Variants in DIS3L2 observed in about 807,000 individuals in gnomAD.
The protein encoded by DIS3L2 is DIS3 like 3'-5' exoribonuclease 2, also known as DIS3-like exonuclease 2.
DIS3L2 carries 34 observed loss-of-function variants against 97.5 expected under a neutral mutation model. The ratio of observed to expected loss-of-function variants is 0.35; its 90% CI spans 0.27 to 0.46. The LOEUF is 0.46. DIS3L2 is among the 20% of genes least tolerant of loss of function. The pLI, the probability that DIS3L2 is intolerant of heterozygous loss-of-function variation, is 1.00. For synonymous variants in DIS3L2, 435 were observed against 445.2 expected, an observed-to-expected ratio of 0.98 and a Z score of 0.29; for missense variants, 1,038 against 1,146.0, an observed-to-expected ratio of 0.91 and a Z score of 1.36.
intron 8 of DIS3L2, among the ~76,000 whole-genome samples, chr2:232,157,159 T>C (rs1380258976): frequency 6.6e-6 from 1 of 152,206 alleles, no homozygotes; most frequent in Non-Finnish European, 1.5e-5. Flanking sequence ...GTTCTTGTAG[T>C]CTCAGATTCC....
intron 8 of DIS3L2, among the ~76,000 whole-genome samples, chr2:232,155,020 T>C (rs1403312334): frequency 6.7e-6 from 1 of 149,404 alleles, no homozygotes; most frequent in African/African-American, 2.5e-5. Flanking sequence ...CCCTGACCCC[T>C]TGCGCTTCCC....
chr2:231,970,276 T>C (rs141229897), intron 1 of DIS3L2, among the ~76,000 whole-genome samples: 1 of 152,200 alleles, frequency 6.6e-6, no homozygotes, highest in African/African-American at 2.4e-5. Context: ...TGGTGAAATA[T>C]CGCATCGATT....
intron 5 of DIS3L2, among the ~76,000 whole-genome samples, chr2:232,075,706 T>C (rs1241228389): frequency 2.0e-5 from 3 of 152,208 alleles, no homozygotes; most frequent in African/African-American, 7.2e-5. Context: ...AATTTTTCTG[T>C]TTCTATTGTC....
chr2:232,334,373 T>C lies in DIS3L2; in HGVS notation c.2163T>C (p.Tyr721=), dbSNP rs376478058. The change falls in exon 18 of 21, where the codon TAT becomes TAC. Residue 721 remains tyrosine (Y), a synonymous_variant. Transcript: ENST00000325385. ...VHRLLAAALG[Y]RERLDMAPDT... is the part of the protein sequence containing the mutation. Reference sequence around the variant, plus strand: ...TGCCTCACCCCCTCTTCCCAGGCTATAGGGAGCGACTAGACATGGCGCCCG... The same window carrying C: ...TGCCTCACCCCCTCTTCCCAGGCTACAGGGAGCGACTAGACATGGCGCCCG... 10 of 1,613,260 alleles carry C rather than the reference T, an allele frequency of 6.2e-6. No individual in the cohort carries two copies. Among genetic ancestry groups the C allele is most frequent in the African/African-American group, 5.3e-5 (4 of 74,894 alleles).
chr2:232,332,257 C>G (rs1158073878), intron 16 of DIS3L2, among the ~76,000 whole-genome samples: 1 of 151,534 alleles, frequency 6.6e-6, no homozygotes, highest in African/African-American at 2.4e-5. Flanking sequence ...CCACCTCCCC[C>G]AGAGACTTGC....
exon 14 of DIS3L2, chr2:232,343,926 G>T: frequency 4.8e-6 from 1 of 210,402 alleles, no homozygotes; most frequent in South Asian, 9.9e-5. Flanking sequence ...TAGAAGAAGG[G>T]AGAAGAGGAA....
chr2:232,098,493 A>G (rs369108468), intron 6 of DIS3L2, among the ~76,000 whole-genome samples: 5 of 151,710 alleles, frequency 3.3e-5, no homozygotes, highest in East Asian at 1.9e-4. Context: ...AGCTGGGACT[A>G]CAGGCACACA....
chr2:232,007,174 A>C (rs1185989064), intron 1 of DIS3L2, among the ~76,000 whole-genome samples: 1 of 152,248 alleles, frequency 6.6e-6, no homozygotes, highest in Non-Finnish European at 1.5e-5. Context: ...GTGTGTTAAA[A>C]GTTCTAGAGT....
At chr2:232,194,640 A>G (rs369404430) in intron 9 of DIS3L2, among the ~76,000 whole-genome samples, 1 of 152,216 alleles carries the variant, frequency 6.6e-6, no homozygotes, top group South Asian at 2.1e-4. Context: ...GTGGTAAAGG[A>G]CTTGAAAGGC....
chr2:232,313,815 G>A (rs1175108056), intron 14 of DIS3L2, among the ~76,000 whole-genome samples: 1 of 152,174 alleles, frequency 6.6e-6, no homozygotes, highest in Non-Finnish European at 1.5e-5. Flanking sequence ...ATGGCAGAAG[G>A]CAAGGAGGAG....
intron 6 of DIS3L2, among the ~76,000 whole-genome samples, chr2:232,098,022 C>A (rs965641341): frequency 6.6e-6 from 1 of 152,042 alleles, no homozygotes. Context: ...TCTCTTTGGG[C>A]GTAGGGTGTA....
At chr2:232,243,861 CTGAACA>C (rs1480197844) in intron 11 of DIS3L2, among the ~76,000 whole-genome samples, 1 of 152,228 alleles carries the variant, frequency 6.6e-6, no homozygotes, top group African/African-American at 2.4e-5. Context: ...ACCTTAGCCA[CTGAACA>C]TTGAGGGTGC....
At chr2:232,232,766 G>C (rs1692830096) in intron 10 of DIS3L2, among the ~76,000 whole-genome samples, 2 of 152,134 alleles carry the variant, frequency 1.3e-5, no homozygotes, top group Admixed American at 6.5e-5. Context: ...AGTCTAGGCT[G>C]GTGATATACA....
rs1694152662 is a variant in DIS3L2 at position 232,010,055 on chromosome 2, A to G, written c.-93-4780A>G. Reference sequence around the variant, plus strand: ...AGGAATTGGGAGCGAGTGTGGGATGATAGGAGCCCCAGGCTAAAACACCAC... The same window carrying G: ...AGGAATTGGGAGCGAGTGTGGGATGGTAGGAGCCCCAGGCTAAAACACCAC... On this transcript the variant is annotated intron_variant, in intron 1 of 20. Coordinates refer to ENST00000325385, the MANE Select transcript of DIS3L2 (RefSeq NM_152383.5). Among the ~76,000 whole-genome samples, 4 of 152,190 alleles carry G rather than the reference A, an allele frequency of 2.6e-5. No individual in the cohort carries two copies. In the South Asian group the frequency reaches 8.3e-4, roughly 31 times the overall value.
At chr2:232,097,616 T>C (rs557122708) in intron 6 of DIS3L2, among the ~76,000 whole-genome samples, 14 of 151,738 alleles carry the variant, frequency 9.2e-5, no homozygotes, top group Non-Finnish European at 1.9e-4. Context: ...TGAATGTTGC[T>C]AGGCCTGGGA....
At chr2:232,303,673 G>A (rs951045425) in intron 14 of DIS3L2, among the ~76,000 whole-genome samples, 6 of 150,906 alleles carry the variant, frequency 4.0e-5, no homozygotes, top group South Asian at 4.1e-4. Context: ...GGAATGGCCC[G>A]GAAAATGGGC....
At chr2:232,083,164 A>G (rs981937471) in intron 5 of DIS3L2, among the ~76,000 whole-genome samples, 1 of 151,926 alleles carries the variant, frequency 6.6e-6, no homozygotes, top group Non-Finnish European at 1.5e-5. Context: ...GTGGGGGCAC[A>G]GCCAAACCAT....
chr2:232,270,882 C>T (rs12614367), intron 13 of DIS3L2, among the ~76,000 whole-genome samples: 4,554 of 105,716 alleles, frequency 0.043, 33 homozygotes, highest in South Asian at 0.11. Context: ...CTCTCTCTCT[C>T]TCTCTCTCTC....
chr2:232,338,920 G>A (rs376262121), downstream of DIS3L2, among the ~76,000 whole-genome samples: 9 of 152,408 alleles, frequency 5.9e-5, no homozygotes, highest in South Asian at 4.1e-4. Context: ...GGCACAGAGC[G>A]AGACTGTCTT....
Sources: gnomAD v4.1 joint callset for allele counts (sites outside exome capture counted in the v4.1 genomes callset) on GRCh38, gnomAD v4.1.1 for gene constraint, MANE v1.5 for transcripts, NCBI Gene and HGNC (gene_info 2026-07-23, HGNC 2026-07-21) for gene names.